Variants in ATPAF1 observed in about 807,000 individuals in gnomAD.
The protein encoded by ATPAF1 is homolog of yeast ATP11.
In ATPAF1, 26 loss-of-function variants were observed where a neutral mutation model predicts 43.9. That is an observed-to-expected ratio of 0.59 (90% CI 0.43 to 0.82). ATPAF1 has a LOEUF of 0.82. Among genes scored for constraint, ATPAF1 ranks in the 40% least tolerant of loss-of-function variants. The pLI is 0.00. For missense variants in ATPAF1, 366 were observed against 435.0 expected (o/e 0.84, Z 1.41); for synonymous variants, 157 against 168.0 (o/e 0.93, Z 0.50).
chr1:46,652,479 C>A, intron 6 of ATPAF1, 102 bp downstream of exon 6: 1,164 of 1,122,122 alleles, frequency 1.0e-3, no homozygotes, highest in Non-Finnish European at 1.4e-3. Flanking sequence ...GTAAACAGAG[C>A]ACTATAACAT....
At chr1:46,656,664 C>T (rs535495208) in intron 4 of ATPAF1, among the ~76,000 whole-genome samples, 1 of 152,292 alleles carries the variant, frequency 6.6e-6, no homozygotes, top group South Asian at 2.1e-4. Context: ...TCAACAAACA[C>T]AAATTTATAC....
intron 4 of ATPAF1, among the ~76,000 whole-genome samples, chr1:46,654,376 T>G (rs947380347): frequency 3.3e-5 from 5 of 152,118 alleles, no homozygotes. Flanking sequence ...AGAATTGTCA[T>G]GACTAGCTGA....
At chr1:46,633,352 T>C (rs981402677), downstream of ATPAF1, 26 of 188,052 alleles carry the variant, frequency 1.4e-4, no homozygotes, top group African/African-American at 6.0e-4. Context: ...TTTTCTACTA[T>C]AGTGAAGTTA....
At chr1:46,656,782 T>C (rs1676280936) in intron 4 of ATPAF1, among the ~76,000 whole-genome samples, 1 of 152,204 alleles carries the variant, frequency 6.6e-6, no homozygotes, top group Non-Finnish European at 1.5e-5. Context: ...TTGGTACTTC[T>C]TCCCAAAGGC....
intron 1 of ATPAF1, among the ~76,000 whole-genome samples, chr1:46,667,723 G>C (rs762749979): frequency 2.6e-5 from 4 of 152,190 alleles, no homozygotes; most frequent in African/African-American, 4.8e-5. Flanking sequence ...AGCAAGTCAA[G>C]TCCCTTCTCT....
At chr1:46,651,319 G>A (rs1161970328) in intron 6 of ATPAF1, among the ~76,000 whole-genome samples, 2 of 150,498 alleles carry the variant, frequency 1.3e-5, no homozygotes, top group Non-Finnish European at 2.9e-5. Flanking sequence ...TCCCTACAAA[G>A]GACATGAACT....
At chr1:46,645,614 C>A (rs1348247567) in intron 6 of ATPAF1, among the ~76,000 whole-genome samples, 1 of 152,042 alleles carries the variant, frequency 6.6e-6, no homozygotes, top group Non-Finnish European at 1.5e-5. Context: ...CTGCCTCCCT[C>A]AGCCTCCCAA....
intron 6 of ATPAF1, among the ~76,000 whole-genome samples, chr1:46,650,022 G>A (rs1417107284): frequency 6.6e-6 from 1 of 152,110 alleles, no homozygotes; most frequent in African/African-American, 2.4e-5. Context: ...TCTGTTTTCA[G>A]CAATGTTTCC....
Position 46,658,668 on chromosome 1 carries a change from T to A in ATPAF1, c.426+19A>T. The A allele has an allele frequency of 6.3e-7, 1 of 1,574,828 alleles. No homozygotes were observed. Among genetic ancestry groups the A allele is most frequent in the South Asian group, 1.2e-5 (1 of 85,516 alleles). Reference sequence around the variant, plus strand: ...ATATGACTTCAAGCTTTTTTTCCTATATTTAATTAGAAACCTACCTTGTCC... The same window carrying A: ...ATATGACTTCAAGCTTTTTTTCCTAAATTTAATTAGAAACCTACCTTGTCC... On this transcript the variant is annotated intron_variant, in intron 3 of 8. Transcript: ENST00000574428.
At chr1:46,665,874 C>T in intron 1 of ATPAF1, 1 of 1,403,784 alleles carries the variant, frequency 7.1e-7, no homozygotes, top group Non-Finnish European at 9.2e-7. Context: ...CCCTAACCTA[C>T]CCTCCAAAGA....
intron 2 of ATPAF1, among the ~76,000 whole-genome samples, chr1:46,663,052 G>A (rs181756520): frequency 5.9e-5 from 9 of 152,086 alleles, no homozygotes; most frequent in Admixed American, 2.0e-4. Flanking sequence ...TTGTCCTTGC[G>A]ATAGTTTGCT....
At chr1:46,633,133 G>A (rs1162944688), downstream of ATPAF1, 1 of 152,984 alleles carries the variant, frequency 6.5e-6, no homozygotes, top group Non-Finnish European at 1.5e-5. Flanking sequence ...TTTAGTACGT[G>A]TGTGGGGGGG....
intron 6 of ATPAF1, among the ~76,000 whole-genome samples, chr1:46,650,002 T>C (rs1199067088): frequency 1.3e-5 from 2 of 152,132 alleles, no homozygotes; most frequent in African/African-American, 4.8e-5. Flanking sequence ...TTCCATTTAT[T>C]TAGGTATTCT....
chr1:46,652,851 A>G (rs989819920), intron 5 of ATPAF1, among the ~76,000 whole-genome samples: 8 of 152,162 alleles, frequency 5.3e-5, no homozygotes, highest in African/African-American at 1.9e-4. Context: ...AGGTGCACCA[A>G]TGCTCCAGGG....
rs544249206 is a variant in ATPAF1, at chr1:46,646,514, T to C, written c.589-1258A>G. On this transcript the variant is annotated intron_variant, in intron 6 of 8. Coordinates refer to ENST00000574428, the Ensembl canonical transcript of ATPAF1. ...AGATGTTTAGAATGGGGATGAGTAGTAGAGAAAAGAATGGTGCCAGAACAA... is the reference window on the plus strand; with the variant it reads ...AGATGTTTAGAATGGGGATGAGTAGCAGAGAAAAGAATGGTGCCAGAACAA... Among the ~76,000 whole-genome samples, 37 of 152,248 alleles carry C rather than the reference T, an allele frequency of 2.4e-4. 1 individual carries two copies. Among genetic ancestry groups the C allele is most frequent in the African/African-American group, 7.0e-4 (29 of 41,532 alleles).
exon 7 of ATPAF1, chr1:46,645,196 T>C: frequency 1.2e-6 from 2 of 1,614,006 alleles, no homozygotes; most frequent in Non-Finnish European, 1.7e-6. Context: ...TGGAGTTCAG[T>C]ACCTGTCCAT....
intron 6 of ATPAF1, 185 bp downstream of exon 6, chr1:46,652,396 T>C: frequency 3.6e-6 from 2 of 553,820 alleles, no homozygotes; most frequent in South Asian, 6.0e-5. Context: ...ACAATCAACG[T>C]GTGAGCATCT....
intron 6 of ATPAF1, among the ~76,000 whole-genome samples, chr1:46,649,439 T>C (rs1676122735): frequency 6.6e-6 from 1 of 152,228 alleles, no homozygotes; most frequent in African/African-American, 2.4e-5. Context: ...TGTATCTTTG[T>C]AATAAGTCTT....
chr1:46,638,366 C>T (rs570700862), intron 8 of ATPAF1, among the ~76,000 whole-genome samples: 141 of 152,300 alleles, frequency 9.3e-4, no homozygotes, highest in Middle Eastern at 3.4e-3. Context: ...CGCCTATAAT[C>T]CCAGCACTTT....
Sources: allele counts gnomAD v4.1 joint callset (sites outside exome capture counted in the v4.1 genomes callset), GRCh38; gene constraint gnomAD v4.1.1; transcripts MANE v1.5; gene names NCBI Gene and HGNC (gene_info 2026-07-23, HGNC 2026-07-21).